F2: variants seen among roughly 807,000 people sequenced by gnomAD.
The protein encoded by F2 is prothrombin.
Under a neutral mutation model 81.9 loss-of-function variants are expected in F2, and 34 were observed. That is an observed-to-expected ratio of 0.42 (90% CI 0.32 to 0.55). The LOEUF (loss-of-function observed/expected upper bound fraction) is 0.55. F2 is among the 20% of genes least tolerant of loss of function. The pLI, the probability that F2 is intolerant of heterozygous loss-of-function variation, is 0.18. For synonymous variants in F2, 296 were observed against 326.4 expected (o/e 0.91, Z 1.01); for missense variants, 630 against 833.4 (o/e 0.76, Z 3.00).
intron 12 of F2, among the ~76,000 whole-genome samples, chr11:46,734,342 G>A (rs576144345): frequency 4.0e-5 from 6 of 151,848 alleles, no homozygotes; most frequent in Non-Finnish European, 8.8e-5. Flanking sequence ...ATTTTTGTGA[G>A]TTCTTCGTAT....
chr11:46,730,948 T>G (rs1332770610), intron 12 of F2, among the ~76,000 whole-genome samples: 1 of 151,922 alleles, frequency 6.6e-6, no homozygotes, highest in East Asian at 1.9e-4. Context: ...TGACATAGCT[T>G]CGCTGTCACC....
intron 6 of F2, 57 bp from the exon 7 acceptor site, chr11:46,725,802 T>A: frequency 6.3e-7 from 1 of 1,587,062 alleles, no homozygotes; most frequent in Non-Finnish European, 8.6e-7. Context: ...CCCCTGTCTG[T>A]TCCGGTCCAT....
At chr11:46,734,309 AT>A (rs1033547877) in intron 12 of F2, among the ~76,000 whole-genome samples, 1 of 151,664 alleles carries the variant, frequency 6.6e-6, no homozygotes, top group Non-Finnish European at 1.5e-5. Flanking sequence ...TTTTTTGCCC[AT>A]TTTTTGGTCC....
intron 12 of F2, 40 bp downstream of exon 12, chr11:46,729,601 C>T (rs771152706): frequency 3.1e-6 from 5 of 1,596,672 alleles, no homozygotes; most frequent in Non-Finnish European, 2.6e-6. Context: ...CAGTGGGGCC[C>T]AAGCTGGGAG....
chr11:46,735,710 G>A (rs746203265), intron 12 of F2, among the ~76,000 whole-genome samples: 2 of 150,094 alleles, frequency 1.3e-5, no homozygotes, highest in Admixed American at 1.3e-4. Context: ...ATCACCTGAG[G>A]TCAGGAGTTC....
At chr11:46,721,075 C>T (rs1156731298) in intron 4 of F2, among the ~76,000 whole-genome samples, 1 of 151,878 alleles carries the variant, frequency 6.6e-6, no homozygotes, top group South Asian at 2.1e-4. Flanking sequence ...GACAGAGTCT[C>T]GCTCTGTTGC....
At chr11:46,730,168 C>T (rs1003770764) in intron 12 of F2, among the ~76,000 whole-genome samples, 2 of 152,030 alleles carry the variant, frequency 1.3e-5, no homozygotes, top group Non-Finnish European at 2.9e-5. Context: ...GTCATGGTGA[C>T]GCATGCCTGT....
chr11:46,734,914 G>A (rs540696842), intron 12 of F2, among the ~76,000 whole-genome samples: 1 of 152,330 alleles, frequency 6.6e-6, no homozygotes, highest in East Asian at 1.9e-4. Flanking sequence ...TCATTTTTCT[G>A]CACTTAGATT....
intron 12 of F2, among the ~76,000 whole-genome samples, chr11:46,731,149 T>TCA (rs909300496): frequency 1.7e-4 from 26 of 152,110 alleles, no homozygotes; most frequent in Non-Finnish European, 3.5e-4. Flanking sequence ...ACTCCTGACC[T>TCA]CAGGTGATCC....
Position 46,726,666 on chromosome 11 carries a change from G to T in F2, c.1003+40G>T, listed in dbSNP as rs1399062246. On this transcript the variant is annotated intron_variant, in intron 8 of 13. Coordinates refer to ENST00000311907, the MANE Select transcript of F2 (RefSeq NM_000506.5). This position sits in a 1 kb window ranked among gnomAD's most constrained non-coding sequence, Gnocchi z 5.9. Reference sequence around the variant, plus strand: ...ATCCGAGGGGATGCGGGGCTGCGGGGCTGGTGGCCAGGACTTGCCCCTCAC... The same window carrying T: ...ATCCGAGGGGATGCGGGGCTGCGGGTCTGGTGGCCAGGACTTGCCCCTCAC... 3 of 1,613,590 alleles carry T rather than the reference G, an allele frequency of 1.9e-6. No individual in the cohort carries two copies. Among genetic ancestry groups the T allele is most frequent in the Non-Finnish European group, 2.5e-6 (3 of 1,179,584 alleles).
chr11:46,719,683 C>A lies in F2; in HGVS notation c.80-19C>A. On this transcript the variant is annotated intron_variant, in intron 1 of 13. Coordinates refer to ENST00000311907, the MANE Select transcript of F2 (RefSeq NM_000506.5). This position sits in a 1 kb window ranked among gnomAD's most constrained non-coding sequence, Gnocchi z 4.7. Reference sequence around the variant, plus strand: ...TGTTCCTGAGGCCGCTGTCCCATGACCCCCCCACCGCCTTACAGTGTTCCT... The same window carrying A: ...TGTTCCTGAGGCCGCTGTCCCATGAACCCCCCACCGCCTTACAGTGTTCCT... 1.3e-6 allele frequency: 2 copies of A among 1,578,342 alleles called. No individual in the cohort carries two copies. The highest frequency in any genetic ancestry group is 1.7e-6 in the Non-Finnish European group (2 of 1,163,278).
At chr11:46,730,117 TG>T (rs1006343406) in intron 12 of F2, among the ~76,000 whole-genome samples, 17 of 152,100 alleles carry the variant, frequency 1.1e-4, no homozygotes, top group African/African-American at 4.1e-4. Context: ...CTGGCCAACA[TG>T]GTGAAACCCC....
rs2064843944 is a variant in F2, at chr11:46,722,627, G to T, written c.317-553G>T. 2.6e-5 allele frequency among the ~76,000 whole-genome samples: 4 copies of T among 152,302 alleles called. No individual in the cohort carries two copies. In the South Asian group the frequency reaches 6.2e-4, roughly 24 times the overall value. Reference sequence around the variant, plus strand: ...AAATAAATAATTCAATAAAGTGATTGCAAGAAAAGTTCTGTTCAAGGCACC... The same window carrying T: ...AAATAAATAATTCAATAAAGTGATTTCAAGAAAAGTTCTGTTCAAGGCACC... On this transcript the variant is annotated intron_variant, in intron 4 of 13. Transcript: ENST00000311907.
chr11:46,727,233 G>T (rs995487311), intron 9 of F2, among the ~76,000 whole-genome samples: 3 of 151,900 alleles, frequency 2.0e-5, no homozygotes, highest in African/African-American at 4.8e-5. Flanking sequence ...TGTTGGCCAG[G>T]CTGGTCTTGA....
Position 46,720,846 on chromosome 11 carries a change from C to A in F2, c.316+6C>A, listed in dbSNP as rs1005059949. 1 of 1,613,458 alleles carries A rather than the reference C, an allele frequency of 6.2e-7. No individual in the cohort carries two copies. ...GCTTGCTGCATGTCTGGAAGGTGAG[C>A]AACTGACACGGGTTTGGGGAGCAGG... On this transcript the variant is annotated splice_donor_region_variant and intron_variant, in intron 4 of 13. Coordinates refer to ENST00000311907, the MANE Select transcript of F2 (RefSeq NM_000506.5).
intron 12 of F2, among the ~76,000 whole-genome samples, chr11:46,736,168 A>G (rs941700072): frequency 8.5e-5 from 13 of 152,316 alleles, no homozygotes; most frequent in Middle Eastern, 3.4e-3. Context: ...GTGCCACTGC[A>G]CTCCAGCCTG....
chr11:46,729,911 G>A (rs922733699), intron 12 of F2, among the ~76,000 whole-genome samples: 49 of 151,662 alleles, frequency 3.2e-4, no homozygotes, highest in African/African-American at 1.1e-3. Context: ...GGACCCAGAC[G>A]GACAATGTCT....
intron 12 of F2, among the ~76,000 whole-genome samples, chr11:46,737,203 G>A (rs941397815): frequency 4.0e-5 from 6 of 151,568 alleles, no homozygotes; most frequent in Non-Finnish European, 4.4e-5. Flanking sequence ...GTGCAGTGGC[G>A]TGATCTCAGC....
Position 46,726,468 on chromosome 11 carries a change from C to G in F2, c.875-30C>G. 1 of 1,607,824 alleles carries G rather than the reference C, an allele frequency of 6.2e-7. No homozygotes were observed. Among genetic ancestry groups the G allele is most frequent in the Non-Finnish European group, 8.5e-7 (1 of 1,176,960 alleles). Reference sequence around the variant, plus strand: ...GGGATGGGTGAGGAATGGCCCAGCCCAGTCCCAGCCGGTGCCTGGGTCCCA... The same window carrying G: ...GGGATGGGTGAGGAATGGCCCAGCCGAGTCCCAGCCGGTGCCTGGGTCCCA... On this transcript the variant is annotated intron_variant, in intron 7 of 13. Coordinates refer to ENST00000311907, the MANE Select transcript of F2 (RefSeq NM_000506.5). This position sits in a 1 kb window ranked among gnomAD's most constrained non-coding sequence, Gnocchi z 5.9.
Sources: gnomAD v4.1 joint callset for allele counts (sites outside exome capture counted in the v4.1 genomes callset) on GRCh38, gnomAD v4.1.1 for gene constraint, Gnocchi (gnomAD v3.1) non-coding constraint, MANE v1.5 for transcripts, NCBI Gene and HGNC (gene_info 2026-07-23, HGNC 2026-07-21) for gene names.